The following PLCB1 variants were observed in gnomAD, a reference collection of about 807,000 sequenced individuals.
The protein encoded by PLCB1 is 1-phosphatidylinositol 4,5-bisphosphate phosphodiesterase beta-1.
A neutral mutation model predicts 161.8 loss-of-function variants in PLCB1; 46 were observed. The observed-to-expected ratio is 0.28, with a 90% CI of 0.22 to 0.36. The LOEUF is 0.36. Among genes scored for constraint, PLCB1 ranks in the 10% least tolerant of loss-of-function variants. The pLI is 1.00. For synonymous variants in PLCB1, 517 were observed against 503.7 expected (o/e 1.03, Z -0.35); for missense variants, 1,016 against 1,472.5 (o/e 0.69, Z 5.07).
intron 18 of PLCB1, among the ~76,000 whole-genome samples, chr20:8,730,456 G>T (rs1980177997): frequency 6.6e-6 from 1 of 151,298 alleles, no homozygotes; most frequent in African/African-American, 2.4e-5. Flanking sequence ...AAATTTGTCT[G>T]CCTTCCTGGA....
intron 3 of PLCB1, among the ~76,000 whole-genome samples, chr20:8,412,914 G>C (rs926394219): frequency 1.4e-5 from 2 of 143,166 alleles, no homozygotes; most frequent in African/African-American, 5.2e-5. Flanking sequence ...CTTTTTATAT[G>C]TTTCAGTATT....
intron 4 of PLCB1, among the ~76,000 whole-genome samples, chr20:8,639,329 G>A (rs1375058675): frequency 6.6e-6 from 1 of 152,216 alleles, no homozygotes; most frequent in African/African-American, 2.4e-5. Flanking sequence ...ATCTCAGATT[G>A]TTCTCCCCAA....
At chr20:8,251,340 A>G (rs769705097) in intron 2 of PLCB1, among the ~76,000 whole-genome samples, 1 of 151,972 alleles carries the variant, frequency 6.6e-6, no homozygotes, top group East Asian at 1.9e-4. Flanking sequence ...AGAACGGTGC[A>G]GTCCTCAAGG....
chr20:8,274,745 C>A (rs552823885), intron 2 of PLCB1, among the ~76,000 whole-genome samples: 1 of 152,158 alleles, frequency 6.6e-6, no homozygotes, highest in East Asian at 1.9e-4. Flanking sequence ...CCAATGTCAG[C>A]CATTTGCCTT....
chr20:8,792,222 T>G, intron 31 of PLCB1: 1 of 175,952 alleles, frequency 5.7e-6, no homozygotes, highest in South Asian at 1.3e-4. Flanking sequence ...CCTTCCTACA[T>G]CCCCTCTAGC....
intron 4 of PLCB1, among the ~76,000 whole-genome samples, chr20:8,638,503 C>T (rs1988839745): frequency 6.6e-6 from 1 of 152,090 alleles, no homozygotes; most frequent in Non-Finnish European, 1.5e-5. Context: ...TATACACGCA[C>T]ACACGCACAC....
intron 3 of PLCB1, among the ~76,000 whole-genome samples, chr20:8,384,979 A>G (rs921860421): frequency 1.7e-4 from 26 of 152,300 alleles, no homozygotes; most frequent in African/African-American, 5.1e-4. Context: ...GTGTCTGACA[A>G]CCACGTTGGA....
At chr20:8,263,178 C>CA (rs11480842) in intron 2 of PLCB1, among the ~76,000 whole-genome samples, 11,518 of 150,942 alleles carry the variant, frequency 0.076, 516 homozygotes, top group East Asian at 0.16. Flanking sequence ...TCTATAGTAC[C>CA]AAAAAAAAAT....
At chr20:8,177,949 T>C (rs1473134125) in intron 2 of PLCB1, among the ~76,000 whole-genome samples, 1 of 149,562 alleles carries the variant, frequency 6.7e-6, no homozygotes, top group Non-Finnish European at 1.5e-5. Context: ...TTCGTGATGT[T>C]TGGTTTTCTG....
At chr20:8,426,565 A>G (rs1396651310) in intron 3 of PLCB1, among the ~76,000 whole-genome samples, 2 of 152,194 alleles carry the variant, frequency 1.3e-5, no homozygotes, top group African/African-American at 4.8e-5. Context: ...ATGCAGGTCA[A>G]AGGGCACAGA....
At chr20:8,357,593 G>T (rs956232272) in intron 2 of PLCB1, among the ~76,000 whole-genome samples, 1 of 151,926 alleles carries the variant, frequency 6.6e-6, no homozygotes, top group African/African-American at 2.4e-5. Flanking sequence ...GAGCGAGGAG[G>T]ATCCCTTGAG....
At chr20:8,704,353 C>CA (rs754528316) in intron 11 of PLCB1, among the ~76,000 whole-genome samples, 4,872 of 111,736 alleles carry the variant, frequency 0.044, 73 homozygotes, top group Non-Finnish European at 0.057. Context: ...GACTTCGTTT[C>CA]AAAAAAAAAA....
At chr20:8,708,385 T>A (rs947751680) in intron 11 of PLCB1, among the ~76,000 whole-genome samples, 4 of 152,156 alleles carry the variant, frequency 2.6e-5, no homozygotes, top group Non-Finnish European at 4.4e-5. Flanking sequence ...TATGATTAGA[T>A]TTCTTTGATT....
intron 12 of PLCB1, among the ~76,000 whole-genome samples, chr20:8,713,605 C>T (rs996365237): frequency 6.6e-6 from 1 of 152,192 alleles, no homozygotes; most frequent in African/African-American, 2.4e-5. Context: ...TCCTGTACCC[C>T]ACCCTGGACT....
At chr20:8,158,461 A>G (rs2327026) in intron 2 of PLCB1, among the ~76,000 whole-genome samples, 24,237 of 152,142 alleles carry the variant, frequency 0.16, 2,399 homozygotes, top group Admixed American at 0.24. Context: ...AATCAAGCTG[A>G]GATTTGGGTA....
intron 2 of PLCB1, among the ~76,000 whole-genome samples, chr20:8,209,482 T>C (rs534698414): frequency 2.2e-4 from 34 of 152,280 alleles, no homozygotes; most frequent in Non-Finnish European, 4.3e-4. Context: ...CTTATGGTAA[T>C]TTTATTGTGA....
chr20:8,704,729 TC>T (rs1978567060), intron 11 of PLCB1, among the ~76,000 whole-genome samples: 1 of 152,202 alleles, frequency 6.6e-6, no homozygotes, highest in Non-Finnish European at 1.5e-5. Context: ...CTGGACTGTC[TC>T]TATCTCTAGA....
chr20:8,335,964 T>C (rs1219417680), intron 2 of PLCB1, among the ~76,000 whole-genome samples: 2 of 152,190 alleles, frequency 1.3e-5, no homozygotes, highest in African/African-American at 2.4e-5. Context: ...TAGAGGCACG[T>C]TGATCACAGC....
intron 31 of PLCB1, among the ~76,000 whole-genome samples, chr20:8,830,971 GC>G (rs1985951719): frequency 6.6e-6 from 1 of 152,090 alleles, no homozygotes; most frequent in African/African-American, 2.4e-5. Context: ...TGTTTCATTG[GC>G]CCCCGCATCT....
Sources: allele counts gnomAD v4.1 joint callset (sites outside exome capture counted in the v4.1 genomes callset), GRCh38; gene constraint gnomAD v4.1.1; transcripts MANE v1.5; gene names NCBI Gene and HGNC (gene_info 2026-07-23, HGNC 2026-07-21).